The following DAB1 variants were observed in gnomAD, a reference collection of about 807,000 sequenced individuals.
The protein encoded by DAB1 is disabled homolog 1.
A neutral mutation model predicts 64.6 loss-of-function variants in DAB1; 15 were observed. The ratio of observed to expected loss-of-function variants is 0.23; its 90% CI spans 0.16 to 0.36. The LOEUF (loss-of-function observed/expected upper bound fraction) is 0.36, where lower values mean the gene tolerates loss of function less well. Among genes scored for constraint, DAB1 ranks in the 10% least tolerant of loss-of-function variants. The pLI is 1.00. For synonymous variants in DAB1, 235 were observed against 251.9 expected (o/e 0.93, Z 0.64); for missense variants, 596 against 706.7 (o/e 0.84, Z 1.78).
At chr1:57,585,740 C>G (rs1441670619) in intron 7 of DAB1, among the ~76,000 whole-genome samples, 1 of 152,200 alleles carries the variant, frequency 6.6e-6, no homozygotes, top group Non-Finnish European at 1.5e-5. Context: ...CAGCACCACA[C>G]AAAGCCCAGC....
chr1:57,240,155 G>C (rs1482898626), intron 2 of DAB1, among the ~76,000 whole-genome samples: 1 of 152,114 alleles, frequency 6.6e-6, no homozygotes, highest in Admixed American at 6.6e-5. Context: ...TATTTGCTGA[G>C]CATTTCCTAA....
intron 1 of DAB1, among the ~76,000 whole-genome samples, chr1:57,828,765 G>A (rs1384405113): frequency 6.6e-6 from 1 of 152,180 alleles, no homozygotes; most frequent in Non-Finnish European, 1.5e-5. Flanking sequence ...TGGAATCTGA[G>A]AAAAACTAAT....
At chr1:58,365,221 T>C (rs1644205774) in intron 3 of DAB1, among the ~76,000 whole-genome samples, 2 of 152,212 alleles carry the variant, frequency 1.3e-5, no homozygotes, top group South Asian at 2.1e-4. Flanking sequence ...GGAGAAAGCA[T>C]TTCTCTAATG....
chr1:57,991,681 G>A (rs184600170), intron 5 of DAB1, among the ~76,000 whole-genome samples: 18 of 151,546 alleles, frequency 1.2e-4, no homozygotes, highest in South Asian at 6.3e-4. Flanking sequence ...CCCCATCTCC[G>A]CTAAAAATAC....
intron 3 of DAB1, among the ~76,000 whole-genome samples, chr1:58,393,709 C>T (rs1462173785): frequency 2.0e-5 from 3 of 152,136 alleles, no homozygotes; most frequent in African/African-American, 7.2e-5. Context: ...GTAAACACCA[C>T]AGGCTGGAGC....
At chr1:58,146,116 C>T (rs544794912) in intron 5 of DAB1, among the ~76,000 whole-genome samples, 4 of 152,110 alleles carry the variant, frequency 2.6e-5, no homozygotes, top group Admixed American at 2.0e-4. Flanking sequence ...ATATAACATA[C>T]TAAATTTGTG....
At chr1:57,932,851 G>A (rs1644972831) in intron 5 of DAB1, among the ~76,000 whole-genome samples, 1 of 152,176 alleles carries the variant, frequency 6.6e-6, no homozygotes, top group South Asian at 2.1e-4. Flanking sequence ...TGGGTTTCTT[G>A]TAGACAAAAT....
At chr1:58,279,703 A>C (rs1284153180) in intron 4 of DAB1, among the ~76,000 whole-genome samples, 1 of 152,140 alleles carries the variant, frequency 6.6e-6, no homozygotes, top group Non-Finnish European at 1.5e-5. Context: ...TTCTTCTCAG[A>C]ACTCTGCTCC....
chr1:57,218,523 A>T (rs1238269847), intron 2 of DAB1, among the ~76,000 whole-genome samples: 1 of 71,916 alleles, frequency 1.4e-5, no homozygotes, highest in Non-Finnish European at 4.3e-5. Context: ...TCTAAAAAAA[A>T]AAAAAAAAAA....
chr1:57,078,812 G>A (rs999238435), intron 4 of DAB1, among the ~76,000 whole-genome samples: 9 of 152,100 alleles, frequency 5.9e-5, no homozygotes, highest in Non-Finnish European at 8.8e-5. Flanking sequence ...TGCATACGCC[G>A]GCTCTATGAT....
intron 7 of DAB1, among the ~76,000 whole-genome samples, chr1:57,521,682 CAGAG>C (rs1336116928): frequency 2.6e-5 from 4 of 152,144 alleles, no homozygotes; most frequent in African/African-American, 9.7e-5. Flanking sequence ...CAAACACATA[CAGAG>C]AAAGTGAACA....
intron 7 of DAB1, among the ~76,000 whole-genome samples, chr1:57,640,751 A>G (rs796647842): frequency 1.1e-4 from 16 of 152,340 alleles, no homozygotes; most frequent in African/African-American, 3.6e-4. Context: ...TGGGAACATT[A>G]CCTTCAATGG....
At chr1:58,202,120 T>C (rs115206278) in intron 4 of DAB1, among the ~76,000 whole-genome samples, 7 of 152,226 alleles carry the variant, frequency 4.6e-5, no homozygotes, top group African/African-American at 1.7e-4. Context: ...GTTTGACACA[T>C]AGAAAACACT....
intron 5 of DAB1, among the ~76,000 whole-genome samples, chr1:57,989,801 G>A (rs1374518279): frequency 6.6e-6 from 1 of 152,050 alleles, no homozygotes; most frequent in Non-Finnish European, 1.5e-5. Context: ...TACTCAATTG[G>A]CTATTCCTCT....
chr1:57,505,630 G>C (rs1644334938), intron 7 of DAB1, among the ~76,000 whole-genome samples: 1 of 152,136 alleles, frequency 6.6e-6, no homozygotes, highest in Non-Finnish European at 1.5e-5. Context: ...ACTAATTAGT[G>C]TCCTGATTTC....
intron 4 of DAB1, among the ~76,000 whole-genome samples, chr1:57,124,455 A>G (rs1382442493): frequency 6.6e-6 from 1 of 152,162 alleles, no homozygotes; most frequent in Non-Finnish European, 1.5e-5. Flanking sequence ...TCTTCTCCTC[A>G]AAAGTGAGGT....
intron 5 of DAB1, among the ~76,000 whole-genome samples, chr1:58,077,271 T>G (rs754784017): frequency 1.3e-5 from 2 of 152,178 alleles, no homozygotes; most frequent in South Asian, 2.1e-4. Flanking sequence ...CAAGGTCACA[T>G]AGCAAATAGG....
chr1:57,655,111 A>G (rs556931887), intron 6 of DAB1, among the ~76,000 whole-genome samples: 7 of 152,296 alleles, frequency 4.6e-5, no homozygotes, highest in African/African-American at 1.7e-4. Context: ...ATTCCTGTGC[A>G]AGTATTCATG....
chr1:58,379,830 A>G (rs1420147285), intron 3 of DAB1, among the ~76,000 whole-genome samples: 1 of 152,234 alleles, frequency 6.6e-6, no homozygotes, highest in African/African-American at 2.4e-5. Context: ...CAGAGGTCAC[A>G]AATTGTCCCC....
Sources: gnomAD v4.1 joint callset for allele counts (sites outside exome capture counted in the v4.1 genomes callset) on GRCh38, gnomAD v4.1.1 for gene constraint, MANE v1.5 for transcripts, NCBI Gene and HGNC (gene_info 2026-07-23, HGNC 2026-07-21) for gene names.